Variants in PRKG1 observed in about 807,000 individuals in gnomAD.
PRKG1 encodes protein kinase cGMP-dependent 1.
PRKG1 carries 35 observed loss-of-function variants against 88.1 expected under a neutral mutation model. That is an observed-to-expected ratio of 0.40 (90% confidence interval 0.30 to 0.53). The LOEUF (loss-of-function observed/expected upper bound fraction) is 0.53. Among genes scored for constraint, PRKG1 ranks in the 20% least tolerant of loss-of-function variants. The pLI, the probability that PRKG1 is intolerant of heterozygous loss-of-function variation, is 0.59. For missense variants in PRKG1, 540 were observed against 839.8 expected, an observed-to-expected ratio of 0.64 and a Z score of 4.41; for synonymous variants, 303 against 292.5, an observed-to-expected ratio of 1.04 and a Z score of -0.37.
chr10:52,048,980 C>T (rs77384651), intron 5 of PRKG1, among the ~76,000 whole-genome samples: 2,307 of 152,080 alleles, frequency 0.015, 56 homozygotes, highest in African/African-American at 0.051. Flanking sequence ...CTCCAGGTAA[C>T]GGGGGGAGGA....
chr10:52,101,648 C>A (rs1226257041), intron 7 of PRKG1, among the ~76,000 whole-genome samples: 1 of 152,110 alleles, frequency 6.6e-6, no homozygotes, highest in Admixed American at 6.6e-5. Context: ...TCAGACCAAC[C>A]CTATGAGGTA....
chr10:51,166,991 A>G (rs1251452624), intron 2 of PRKG1, among the ~76,000 whole-genome samples: 4 of 152,204 alleles, frequency 2.6e-5, no homozygotes, highest in Non-Finnish European at 4.4e-5. Context: ...CTTACATTCA[A>G]GAAACACCTA....
At chr10:51,884,305 C>A (rs542357727) in intron 4 of PRKG1, among the ~76,000 whole-genome samples, 1 of 148,300 alleles carries the variant, frequency 6.7e-6, no homozygotes. Flanking sequence ...ATTAGCCAGG[C>A]GTGGTGGCGC....
At position 51,737,705 on chromosome 10, in the gene PRKG1, T is replaced by TTTTTTTTA. The variant is rs1554836997; in HGVS notation, c.593-66877_593-66876insTTTTATTT. 9.7e-5 allele frequency among the ~76,000 whole-genome samples: 14 copies of TTTTTTTTA among 144,892 alleles called. No individual in the cohort carries two copies. The South Asian group carries it at 2.9e-3, about 30-fold the overall frequency. ...TGGTAGGGAGCCTAGGACTCTATAT[T>TTTTTTTTA]TTTATTTATTTATTTATTTATTTAT... On this transcript the variant is annotated intron_variant, in intron 3 of 17. Transcript: ENST00000373980.
intron 5 of PRKG1, among the ~76,000 whole-genome samples, chr10:52,000,094 T>C (rs1459211121): frequency 6.6e-6 from 1 of 152,016 alleles, no homozygotes; most frequent in East Asian, 1.9e-4. Flanking sequence ...ACCCTTTCCA[T>C]TACATTTTTT....
chr10:51,271,568 G>C (rs1839981212), intron 2 of PRKG1, among the ~76,000 whole-genome samples: 3 of 152,162 alleles, frequency 2.0e-5, no homozygotes, highest in Admixed American at 2.0e-4. Context: ...TTCAGATCTA[G>C]ATGGCTTTTA....
chr10:51,545,676 G>A (rs1397129731), intron 3 of PRKG1, among the ~76,000 whole-genome samples: 3 of 152,030 alleles, frequency 2.0e-5, no homozygotes, highest in Non-Finnish European at 2.9e-5. Context: ...TATATTAAAG[G>A]AATTGTGATT....
intron 5 of PRKG1, among the ~76,000 whole-genome samples, chr10:52,015,983 A>G (rs1238534610): frequency 6.6e-6 from 1 of 152,244 alleles, no homozygotes; most frequent in African/African-American, 2.4e-5. Flanking sequence ...CATTTTGGTC[A>G]AAACCATTAA....
chr10:51,350,264 A>G (rs1313927518), intron 2 of PRKG1, among the ~76,000 whole-genome samples: 1 of 152,242 alleles, frequency 6.6e-6, no homozygotes, highest in African/African-American at 2.4e-5. Flanking sequence ...TGACAAGGCC[A>G]TTGAAAGCTC....
intron 2 of PRKG1, among the ~76,000 whole-genome samples, chr10:51,260,705 T>G (rs963279023): frequency 2.0e-5 from 3 of 152,198 alleles, no homozygotes; most frequent in Non-Finnish European, 4.4e-5. Context: ...TATTAAAGAC[T>G]CAGAGCAAAT....
intron 1 of PRKG1, among the ~76,000 whole-genome samples, chr10:51,117,396 A>AT: frequency 6.6e-6 from 1 of 152,318 alleles, no homozygotes; most frequent in South Asian, 2.1e-4. Flanking sequence ...GTCAAGCTGT[A>AT]TTTTTTCACA....
chr10:51,480,014 A>C (rs1483370073), intron 3 of PRKG1, among the ~76,000 whole-genome samples: 1 of 151,920 alleles, frequency 6.6e-6, no homozygotes, highest in African/African-American at 2.4e-5. Flanking sequence ...CAAAAAAAAA[A>C]ATTAAATGTT....
At chr10:51,267,671 A>G (rs974672501) in intron 2 of PRKG1, among the ~76,000 whole-genome samples, 1 of 152,220 alleles carries the variant, frequency 6.6e-6, no homozygotes, top group Non-Finnish European at 1.5e-5. Context: ...AAGATGGTTC[A>G]AAGACTTAAA....
intron 5 of PRKG1, among the ~76,000 whole-genome samples, chr10:52,035,840 G>A (rs1315697739): frequency 2.0e-5 from 3 of 152,086 alleles, no homozygotes; most frequent in Non-Finnish European, 2.9e-5. Context: ...TTAAAGCAGC[G>A]GGAGCCGCTG....
intron 1 of PRKG1, among the ~76,000 whole-genome samples, chr10:51,096,018 T>C (rs1844518326): frequency 6.6e-6 from 1 of 152,216 alleles, no homozygotes; most frequent in Non-Finnish European, 1.5e-5. Context: ...CTTGAATTTA[T>C]GTGTTATATG....
At chr10:52,048,980 C>A (rs77384651) in intron 5 of PRKG1, among the ~76,000 whole-genome samples, 1 of 151,970 alleles carries the variant, frequency 6.6e-6, no homozygotes, top group African/African-American at 2.4e-5. Context: ...CTCCAGGTAA[C>A]GGGGGGAGGA....
At chr10:52,246,361 AAG>A (rs1191401912) in intron 9 of PRKG1, among the ~76,000 whole-genome samples, 1 of 152,164 alleles carries the variant, frequency 6.6e-6, no homozygotes, top group East Asian at 1.9e-4. Flanking sequence ...TGATTTTAGA[AAG>A]AGAGATGGGG....
chr10:51,852,650 A>G (rs1840588346), intron 4 of PRKG1, among the ~76,000 whole-genome samples: 1 of 152,158 alleles, frequency 6.6e-6, no homozygotes, highest in Non-Finnish European at 1.5e-5. Context: ...ACATGAGCAT[A>G]TATAAGAATA....
chr10:51,257,248 T>C (rs1328675920), intron 2 of PRKG1, among the ~76,000 whole-genome samples: 2 of 151,708 alleles, frequency 1.3e-5, no homozygotes, highest in African/African-American at 4.8e-5. Flanking sequence ...TGCTTAGAGA[T>C]GCCCATCAGA....
Sources: gnomAD v4.1 joint callset for allele counts (sites outside exome capture counted in the v4.1 genomes callset) on GRCh38, gnomAD v4.1.1 for gene constraint, MANE v1.5 for transcripts, NCBI Gene and HGNC (gene_info 2026-07-23, HGNC 2026-07-21) for gene names.